SGCZ: variants seen among roughly 807,000 people sequenced by gnomAD.
The protein encoded by SGCZ is zeta-sarcoglycan.
In SGCZ, 40 loss-of-function variants were observed where a neutral mutation model predicts 41.3. The ratio of observed to expected loss-of-function variants is 0.97; its 90% CI spans 0.75 to 1.26. The LOEUF (loss-of-function observed/expected upper bound fraction) is 1.26. Among genes scored for constraint, SGCZ ranks in the 50% most tolerant of loss-of-function variants. The pLI, the probability that SGCZ is intolerant of heterozygous loss-of-function variation, is 0.00. For synonymous variants in SGCZ, 206 were observed against 137.5 expected (o/e 1.50, Z -3.49); for missense variants, 552 against 369.8 (o/e 1.49, Z -4.04).
intron 4 of SGCZ, among the ~76,000 whole-genome samples, chr8:14,182,344 C>T (rs1156928487): frequency 1.3e-5 from 2 of 152,136 alleles, no homozygotes; most frequent in African/African-American, 4.8e-5. Flanking sequence ...TGGAGAGCAT[C>T]TGAGAACCAA....
chr8:14,888,514 A>C (rs1441652283), intron 1 of SGCZ, among the ~76,000 whole-genome samples: 2 of 152,212 alleles, frequency 1.3e-5, no homozygotes, highest in Non-Finnish European at 2.9e-5. Context: ...ATCATGAGCA[A>C]CAATGAACAA....
At chr8:14,209,456 G>A (rs10086513) in intron 4 of SGCZ, among the ~76,000 whole-genome samples, 2,619 of 152,002 alleles carry the variant, frequency 0.017, 76 homozygotes, top group African/African-American at 0.059. Context: ...AGACAACAAT[G>A]CTGCTTCGCT....
chr8:14,670,593 G>A (rs1319264381), intron 1 of SGCZ, among the ~76,000 whole-genome samples: 1 of 152,146 alleles, frequency 6.6e-6, no homozygotes, highest in African/African-American at 2.4e-5. Context: ...TCTACAAAAT[G>A]TTCTTACACC....
intron 2 of SGCZ, among the ~76,000 whole-genome samples, chr8:14,544,933 G>A (rs964192462): frequency 3.9e-5 from 6 of 152,020 alleles, no homozygotes; most frequent in Non-Finnish European, 7.4e-5. Flanking sequence ...GCCCTTTGAA[G>A]CATGTGATCT....
intron 2 of SGCZ, among the ~76,000 whole-genome samples, chr8:14,354,217 G>A (rs2117112633): frequency 6.6e-6 from 1 of 152,088 alleles, no homozygotes; most frequent in South Asian, 2.1e-4. Context: ...GCCTCACACA[G>A]TGCCTAATAA....
At chr8:15,076,705 A>G (rs1270205878) in intron 1 of SGCZ, among the ~76,000 whole-genome samples, 1 of 150,994 alleles carries the variant, frequency 6.6e-6, no homozygotes, top group Non-Finnish European at 1.5e-5. Context: ...ACTTTTCTGT[A>G]TCCTGAAAGT....
chr8:14,841,827 G>C (rs137903931), intron 1 of SGCZ, among the ~76,000 whole-genome samples: 9 of 152,224 alleles, frequency 5.9e-5, no homozygotes, highest in Non-Finnish European at 1.3e-4. Flanking sequence ...TTGAGACCTG[G>C]AAAAATTTTT....
At chr8:14,133,791 C>A (rs1327489379) in intron 5 of SGCZ, among the ~76,000 whole-genome samples, 1 of 152,028 alleles carries the variant, frequency 6.6e-6, no homozygotes, top group Middle Eastern at 3.2e-3. Flanking sequence ...AAGCTTGGAG[C>A]TGCTGCTCCA....
At chr8:14,298,711 A>G (rs922202159) in intron 3 of SGCZ, among the ~76,000 whole-genome samples, 1 of 152,048 alleles carries the variant, frequency 6.6e-6, no homozygotes, top group Admixed American at 6.6e-5. Flanking sequence ...GATAAATGTA[A>G]TATGTCAATG....
intron 1 of SGCZ, among the ~76,000 whole-genome samples, chr8:14,643,440 T>C (rs1807092155): frequency 6.6e-6 from 1 of 151,438 alleles, no homozygotes. Flanking sequence ...ATTTTGTTCC[T>C]AAAATTGAGA....
Position 14,324,131 on chromosome 8 carries a change from A to C in SGCZ, c.308T>G (p.Leu103Trp). Residue 103 changes from leucine (L) to tryptophan (W), a missense_variant, in exon 3 of 8, where the codon TTG (leucine) becomes TGG (tryptophan). Coordinates refer to ENST00000382080, the MANE Select transcript of SGCZ (RefSeq NM_139167.4). Reference protein sequence around the residue: ...LEGISEFLLPLYVKEIHSRKD... With the variant: ...LEGISEFLLPWYVKEIHSRKD... The stretch of plus-strand genomic sequence containing the variant: ...TCGAGAATGAATTTCTTTCACATAC[A>C]ATGGAAGTAGAAACTCAGATATACC... 1.2e-6 allele frequency: 2 copies of C among 1,612,726 alleles called. No individual in the cohort carries two copies. The highest frequency in any genetic ancestry group is 1.7e-6 in the Non-Finnish European group (2 of 1,179,260).
At chr8:14,657,631 A>T (rs1301980001) in intron 1 of SGCZ, among the ~76,000 whole-genome samples, 1 of 152,122 alleles carries the variant, frequency 6.6e-6, no homozygotes, top group African/African-American at 2.4e-5. Flanking sequence ...CATTACTTCT[A>T]ACTCTTTAAT....
chr8:15,057,114 G>A (rs1347650861), intron 1 of SGCZ, among the ~76,000 whole-genome samples: 1 of 152,196 alleles, frequency 6.6e-6, no homozygotes, highest in Non-Finnish European at 1.5e-5. Context: ...ACCACTGTGT[G>A]GGCCGATCAG....
At chr8:15,108,777 A>C (rs1317443190) in intron 1 of SGCZ, among the ~76,000 whole-genome samples, 1 of 152,190 alleles carries the variant, frequency 6.6e-6, no homozygotes, top group Non-Finnish European at 1.5e-5. Flanking sequence ...TGCTACTAAC[A>C]TGAATACGTC....
chr8:14,734,722 G>C (rs1040861807), intron 1 of SGCZ, among the ~76,000 whole-genome samples: 1 of 152,010 alleles, frequency 6.6e-6, no homozygotes, highest in Non-Finnish European at 1.5e-5. Flanking sequence ...TGATTGCATA[G>C]TATTAAACAA....
In SGCZ at chr8:14,307,823, T is replaced by G. The variant is rs553168530; in HGVS notation, c.336+16280A>C. ...CAAGAAAAAGAGGTCATAGGCAAGA[T>G]GGCAAGGGTGATTTAGCAATGTGGT... On this transcript the variant is annotated intron_variant, in intron 3 of 7. Transcript: ENST00000382080. 2.6e-5 allele frequency among the ~76,000 whole-genome samples: 4 copies of G among 152,250 alleles called. No homozygotes were observed. The South Asian group carries it at 8.3e-4, about 32-fold the overall frequency.
intron 1 of SGCZ, among the ~76,000 whole-genome samples, chr8:15,010,974 C>T (rs937357355): frequency 6.6e-6 from 1 of 152,150 alleles, no homozygotes; most frequent in Admixed American, 6.5e-5. Context: ...TTGGACAGTG[C>T]TTCATCTATT....
chr8:15,044,022 G>A (rs1804208277), intron 1 of SGCZ, among the ~76,000 whole-genome samples: 1 of 152,010 alleles, frequency 6.6e-6, no homozygotes, highest in South Asian at 2.1e-4. Flanking sequence ...AAACCACTCT[G>A]CCTATATTGC....
chr8:14,104,879 A>G (rs1381546179), intron 6 of SGCZ, among the ~76,000 whole-genome samples: 1 of 152,250 alleles, frequency 6.6e-6, no homozygotes, highest in African/African-American at 2.4e-5. Flanking sequence ...ATTAATCTGC[A>G]CTTGGATTCT....
Sources: allele counts gnomAD v4.1 joint callset (sites outside exome capture counted in the v4.1 genomes callset), GRCh38; gene constraint gnomAD v4.1.1; transcripts MANE v1.5; gene names NCBI Gene and HGNC (gene_info 2026-07-23, HGNC 2026-07-21).